DPRX: variants seen among roughly 807,000 people sequenced by gnomAD.
The protein encoded by DPRX is divergent paired-related homeobox.
Under a neutral mutation model 8.4 loss-of-function variants are expected in DPRX, and 11 were observed. The ratio of observed to expected loss-of-function variants is 1.31; its 90% confidence interval spans 0.82 to 2.17. The LOEUF (loss-of-function observed/expected upper bound fraction) is 2.17. DPRX is among the 30% of genes most tolerant of loss of function. The probability of loss-of-function intolerance (pLI) is 0.00; values close to 1 mark genes in which losing one functional copy is unlikely to be tolerated. For missense variants in DPRX, 211 were observed against 236.7 expected, an observed-to-expected ratio of 0.89 and a Z score of 0.71; for synonymous variants, 72 against 87.0, an observed-to-expected ratio of 0.83 and a Z score of 0.96.
At chr19:53,602,361 C>CT in the DPRX span, among the ~76,000 whole-genome samples, 117 of 130,600 alleles carry the variant, frequency 9.0e-4, 1 homozygote, top group Middle Eastern at 4.1e-3. Context: ...CACCCAAATA[C>CT]TTTTTTTTTT....
At chr19:53,602,930 G>A in the DPRX span, among the ~76,000 whole-genome samples, 313 of 151,896 alleles carry the variant, frequency 2.1e-3, 1 homozygote, top group African/African-American at 7.3e-3. Context: ...ACTTGCCTCA[G>A]CCTTCTAAAG....
chr19:53,602,602 T>C, the DPRX span, among the ~76,000 whole-genome samples: 1 of 151,656 alleles, frequency 6.6e-6, no homozygotes, highest in East Asian at 1.9e-4. Context: ...GGCGTGATCT[T>C]GGCTCACTGG....
the DPRX span, among the ~76,000 whole-genome samples, chr19:53,612,039 G>A: frequency 5.8e-4 from 87 of 151,260 alleles, no homozygotes; most frequent in African/African-American, 1.9e-3. Flanking sequence ...AGCCGAGATC[G>A]TGCCACTGCA....
the DPRX span, among the ~76,000 whole-genome samples, chr19:53,619,536 G>A: frequency 2.5e-4 from 38 of 151,918 alleles, no homozygotes; most frequent in African/African-American, 6.5e-4. Context: ...TTAGCCTTGC[G>A]TGGTGGTGCA....
upstream of DPRX, among the ~76,000 whole-genome samples, chr19:53,627,900 C>T (rs559908817): frequency 2.0e-5 from 3 of 151,382 alleles, no homozygotes; most frequent in Non-Finnish European, 4.4e-5. Flanking sequence ...GGCATGGTGG[C>T]GCTTGCCTGT....
the DPRX span, among the ~76,000 whole-genome samples, chr19:53,623,310 A>AAAATAAATAAATAAATAAAT: frequency 4.5e-5 from 6 of 133,936 alleles, no homozygotes; most frequent in African/African-American, 1.4e-4. Context: ...CTGTCTCAAA[A>AAAATAAATAAATAAATAAAT]AAATAAATAA....
the DPRX span, among the ~76,000 whole-genome samples, chr19:53,603,827 AC>A: frequency 1.4e-5 from 2 of 139,022 alleles, no homozygotes; most frequent in Non-Finnish European, 3.1e-5. Context: ...CACTGCAACC[AC>A]CCCCGCCTCC....
At chr19:53,633,185 C>T (rs1358654716) in intron 1 of DPRX, among the ~76,000 whole-genome samples, 2 of 152,012 alleles carry the variant, frequency 1.3e-5, no homozygotes, top group South Asian at 4.2e-4. Flanking sequence ...TCCAGCTACT[C>T]GGGAGGCTGA....
chr19:53,605,009 G>A, the DPRX span, among the ~76,000 whole-genome samples: 2 of 152,050 alleles, frequency 1.3e-5, no homozygotes, highest in African/African-American at 4.8e-5. Context: ...TACAATTATT[G>A]TGTTAATTAA....
At chr19:53,633,587 ACAGCCTCTGCCT>A (rs2091101003) in intron 1 of DPRX, among the ~76,000 whole-genome samples, 1 of 151,918 alleles carries the variant, frequency 6.6e-6, no homozygotes, top group African/African-American at 2.4e-5. Context: ...TCGGCTCACC[ACAGCCTCTGCCT>A]CTGAGGTTCA....
the DPRX span, among the ~76,000 whole-genome samples, chr19:53,626,109 T>C: frequency 6.6e-6 from 1 of 151,988 alleles, no homozygotes; most frequent in East Asian, 1.9e-4. Context: ...GCTAATTTTT[T>C]GTATTTTTGG....
At chr19:53,629,009 G>A (rs968820053), upstream of DPRX, among the ~76,000 whole-genome samples, 2 of 151,736 alleles carry the variant, frequency 1.3e-5, no homozygotes, top group African/African-American at 4.8e-5. Context: ...CCATACAATG[G>A]AGTATAATTC....
upstream of DPRX, among the ~76,000 whole-genome samples, chr19:53,629,159 C>CAAAAAA (rs2091081889): frequency 6.6e-6 from 1 of 150,940 alleles, no homozygotes; most frequent in Admixed American, 6.6e-5. Flanking sequence ...ACTAAAAATA[C>CAAAAAA]GAAAATTAGC....
chr19:53,631,994 G>A, upstream of DPRX: 2 of 1,444,422 alleles, frequency 1.4e-6, no homozygotes, highest in Non-Finnish European at 1.9e-6. Context: ...GCAGAGAAAG[G>A]TGGAGGAGGT....
the DPRX span, among the ~76,000 whole-genome samples, chr19:53,605,231 CA>C: frequency 6.6e-6 from 1 of 152,042 alleles, no homozygotes; most frequent in Non-Finnish European, 1.5e-5. Flanking sequence ...CAACAAAAGT[CA>C]GATTATGTAC....
chr19:53,603,796 T>G, the DPRX span, among the ~76,000 whole-genome samples: 1 of 150,602 alleles, frequency 6.6e-6, no homozygotes, highest in African/African-American at 2.5e-5. Context: ...CAGGCTGGAT[T>G]GCAGTGGCAC....
chr19:53,611,987 G>T, the DPRX span, among the ~76,000 whole-genome samples: 1 of 152,100 alleles, frequency 6.6e-6, no homozygotes, highest in Non-Finnish European at 1.5e-5. Context: ...GGGAGGCTGA[G>T]ACAGGAGAAT....
the DPRX span, among the ~76,000 whole-genome samples, chr19:53,615,355 A>G: frequency 6.1e-4 from 93 of 152,080 alleles, no homozygotes; most frequent in Non-Finnish European, 1.1e-3. Context: ...ATCTTGGCTC[A>G]ATGTAACCTC....
chr19:53,605,090 G>T, the DPRX span, among the ~76,000 whole-genome samples: 1 of 152,042 alleles, frequency 6.6e-6, no homozygotes, highest in Non-Finnish European at 1.5e-5. Flanking sequence ...GAGGCAGGCG[G>T]ACTGCTTGAG....
Sources: gnomAD v4.1 joint callset for allele counts (sites outside exome capture counted in the v4.1 genomes callset) on GRCh38, gnomAD v4.1.1 for gene constraint, MANE v1.5 for transcripts, NCBI Gene and HGNC (gene_info 2026-07-23, HGNC 2026-07-21) for gene names.